Variants in COL18A1 observed in about 807,000 individuals in gnomAD.
COL18A1 encodes collagen alpha-1(XVIII) chain.
COL18A1 carries 133 observed loss-of-function variants against 168.0 expected under a neutral mutation model. The ratio of observed to expected loss-of-function variants is 0.79; its 90% CI spans 0.69 to 0.91. COL18A1 has a LOEUF of 0.91. Ranked by LOEUF, COL18A1 falls within the 40% of genes least tolerant of loss-of-function variation. The pLI, the probability that COL18A1 is intolerant of heterozygous loss-of-function variation, is 0.00. For synonymous variants in COL18A1, 949 were observed against 809.0 expected (o/e 1.17, Z -2.94); for missense variants, 2,126 against 1,925.4 (o/e 1.10, Z -1.95).
intron 2 of COL18A1, among the ~76,000 whole-genome samples, chr21:45,458,324 T>C (rs1373325809): frequency 6.6e-6 from 1 of 150,654 alleles, no homozygotes; most frequent in African/African-American, 2.4e-5. Context: ...CCCACGGCTG[T>C]TGGCATCTCG....
rs999837896 is a variant in COL18A1, at chr21:45,473,172, G to A, written c.652-723G>A. Among the ~76,000 whole-genome samples the A allele has an allele frequency of 6.6e-6, 1 of 152,222 alleles. No individual in the cohort carries two copies. Among genetic ancestry groups the A allele is most frequent in the Non-Finnish European group, 1.5e-5 (1 of 68,048 alleles). On this transcript the variant is annotated intron_variant, in intron 3 of 41. Transcript: ENST00000651438. The surrounding 1 kb of genome is among the most constrained non-coding windows in gnomAD (Gnocchi z 4.0). Reference sequence around the variant, plus strand: ...ACCCGCTTGAGGCTTAGGACGTTGCGCCCTCCTGTGTCCTTGCCCAGCATC... The same window carrying A: ...ACCCGCTTGAGGCTTAGGACGTTGCACCCTCCTGTGTCCTTGCCCAGCATC...
At chr21:45,489,618 C>A in intron 19 of COL18A1, 97 bp downstream of exon 19, 2 of 746,464 alleles carry the variant, frequency 2.7e-6, no homozygotes, top group Non-Finnish European at 4.3e-6. Flanking sequence ...GCCTTCCCCG[C>A]TCTTCCTGCC....
intron 37 of COL18A1, chr21:45,506,937 G>C (rs2037243801): frequency 8.3e-6 from 2 of 242,096 alleles, no homozygotes; most frequent in East Asian, 2.1e-4. Flanking sequence ...CATAGCAGAT[G>C]CTGAGCTGGT....
intron 2 of COL18A1, among the ~76,000 whole-genome samples, chr21:45,415,827 C>T (rs1015683762): frequency 7.9e-5 from 12 of 152,228 alleles, no homozygotes; most frequent in African/African-American, 1.7e-4. Context: ...CGCAGCCAGG[C>T]GGGCATGGTG....
At chr21:45,503,527 A>C (rs1294723080) in intron 32 of COL18A1, among the ~76,000 whole-genome samples, 1 of 151,452 alleles carries the variant, frequency 6.6e-6, no homozygotes, top group Non-Finnish European at 1.5e-5. Flanking sequence ...TCAGTAAACT[A>C]TTGCAAGAAC....
chr21:45,500,109 AGTGT>A (rs1157476553), intron 32 of COL18A1, among the ~76,000 whole-genome samples: 1 of 123,274 alleles, frequency 8.1e-6, no homozygotes, highest in African/African-American at 3.2e-5. Context: ...GGGTGTGCTG[AGTGT>A]GTGCAGTGTG....
At position 45,504,947 on chromosome 21, in the gene COL18A1, C is replaced by T. The variant is rs1315093318; in HGVS notation, c.2869-187C>T. On this transcript the variant is annotated intron_variant, in intron 34 of 41. Coordinates refer to ENST00000651438, the MANE Select transcript of COL18A1 (RefSeq NM_001379500.1). ...TCTCTGCTGGTCTCTCCCCCGGGAT[C>T]GCACCCCCAGGGAAGAAGGGGTGAT... is the stretch of plus-strand genomic sequence containing the variant. 9.2e-5 allele frequency among the ~76,000 whole-genome samples: 14 copies of T among 152,200 alleles called. No individual in the cohort carries two copies. In the East Asian group the frequency reaches 1.9e-3, roughly 21 times the overall value.
At chr21:45,448,128 C>A (rs1354407594) in intron 2 of COL18A1, among the ~76,000 whole-genome samples, 1 of 152,180 alleles carries the variant, frequency 6.6e-6, no homozygotes, top group African/African-American at 2.4e-5. Flanking sequence ...AGGAAGAAAC[C>A]TCTATTTTCT....
At chr21:45,481,788 C>T (rs991606479) in intron 13 of COL18A1, among the ~76,000 whole-genome samples, 175 bp from the exon 14 acceptor site, 18 of 152,234 alleles carry the variant, frequency 1.2e-4, no homozygotes, top group Middle Eastern at 3.2e-3. Context: ...CGCGAAACTG[C>T]GGGCTACGCA....
chr21:45,495,942 G>A (rs897709422), intron 29 of COL18A1: 4 of 323,186 alleles, frequency 1.2e-5, no homozygotes, highest in South Asian at 7.9e-5. Flanking sequence ...CACTGCACAT[G>A]TATACTCATG....
In COL18A1 at chr21:45,507,561, C is replaced by G; in HGVS notation, c.3217C>G (p.Leu1073Val). 1 of 1,612,896 alleles carries G rather than the reference C, an allele frequency of 6.2e-7. No individual in the cohort carries two copies. The highest frequency in any genetic ancestry group is 8.5e-7 in the Non-Finnish European group (1 of 1,179,870). Residue 1073 changes from leucine to valine, a missense_variant and splice_region_variant, in exon 38 of 42, where the codon CTG (leucine) becomes GTG (valine). By Grantham distance (32) the Leu-to-Val change is conservative (BLOSUM62 1). Coordinates refer to ENST00000651438, the MANE Select transcript of COL18A1 (RefSeq NM_001379500.1). ...RVQNGFRKVQ[L>V]EARTPLPRGT... ...GGGTGACCCTGCTGCTTTCTTCCAG[C>G]TGGAGGCCCGGACACCACTCCCACG...
At chr21:45,503,740 A>G (rs968793225) in intron 32 of COL18A1, among the ~76,000 whole-genome samples, 5 of 152,066 alleles carry the variant, frequency 3.3e-5, no homozygotes, top group Non-Finnish European at 7.4e-5. Flanking sequence ...TACATATGTA[A>G]CTAACCTGCA....
chr21:45,482,876 C>G (rs1274880079), intron 15 of COL18A1, 55 bp downstream of exon 15: 1 of 1,613,564 alleles, frequency 6.2e-7, no homozygotes, highest in South Asian at 1.1e-5. Context: ...CCACTCAGTG[C>G]TCGGACCCCC....
chr21:45,500,159 G>A (rs950609624), intron 32 of COL18A1, among the ~76,000 whole-genome samples: 1 of 150,044 alleles, frequency 6.7e-6, no homozygotes, highest in Non-Finnish European at 1.5e-5. Flanking sequence ...GTGCATGTGG[G>A]TGTGTAGTGT....
Position 45,477,491 on chromosome 21 carries a change from A to G in COL18A1, c.1005+4A>G. 3 of 1,606,130 alleles carry G rather than the reference A, an allele frequency of 1.9e-6. No homozygotes were observed. Among genetic ancestry groups the G allele is most frequent in the South Asian group, 1.1e-5 (1 of 89,528 alleles). ...CCCTGGGGGCCGCGTGAAAGAGGTA[A>G]GGCCACCTCCCTGTGCTCCTGAACC... On this transcript the variant is annotated splice_donor_region_variant and intron_variant, in intron 7 of 41. Transcript: ENST00000651438.
At chr21:45,405,640 G>T (rs1363491887) in intron 2 of COL18A1, among the ~76,000 whole-genome samples, 167 bp downstream of exon 2, 1 of 150,956 alleles carries the variant, frequency 6.6e-6, no homozygotes, top group Non-Finnish European at 1.5e-5. Context: ...GCGGGGCGGG[G>T]TGGCCGGAGT....
chr21:45,468,665 A>C lies in COL18A1; in HGVS notation c.530A>C (p.Tyr177Ser), dbSNP rs779470945. 13 of 1,613,782 alleles carry C rather than the reference A, an allele frequency of 8.1e-6. No individual in the cohort carries two copies. The Admixed American group carries it at 2.0e-4, about 25-fold the overall frequency. The change falls in exon 3 of 42, where the codon TAC (tyrosine) becomes TCC (serine). Residue 177 changes from tyrosine to serine, a missense_variant. By Grantham distance (144) the Tyr-to-Ser change is moderately radical (BLOSUM62 -2). Transcript: ENST00000651438. ...GTGGCAGGTGGCTTTGTGGCCCTCT[A>C]CGTGGACTGTGAGGAGTTCCAGAGA... ...LSVAGGFVALYVDCEEFQRMP... is the reference protein window; with the variant it reads ...LSVAGGFVALSVDCEEFQRMP...
At chr21:45,510,352 T>G in intron 40 of COL18A1, 91 bp downstream of exon 40, 1 of 1,375,962 alleles carries the variant, frequency 7.3e-7, no homozygotes, top group Non-Finnish European at 1.0e-6. Context: ...CTCTAGGGCC[T>G]CTGGAGGCCA....
Position 45,493,533 on chromosome 21 carries a change from C to A in COL18A1, c.2310C>A (p.Ser770Arg), listed in dbSNP as rs1194389817. The change falls in exon 26 of 42, where the codon AGC becomes AGA. Residue 770 changes from serine (S) to arginine (R), a missense_variant. Ser to Arg is a moderately radical substitution (Grantham distance 110). Transcript: ENST00000651438. ...GEKGEPGSIFSPDGGALGPAQ... is the reference protein window; with the variant it reads ...GEKGEPGSIFRPDGGALGPAQ... ...AGGGTGAACCGGGCAGCATCTTCAG[C>A]CCCGACGGCGGTGCCCTGGGCCCTG... The A allele has an allele frequency of 2.6e-6, 4 of 1,561,734 alleles. No homozygotes were observed. Among genetic ancestry groups the A allele is most frequent in the Non-Finnish European group, 3.5e-6 (4 of 1,154,010 alleles).
Sources: gnomAD v4.1 joint callset for allele counts (sites outside exome capture counted in the v4.1 genomes callset) on GRCh38, gnomAD v4.1.1 for gene constraint, Gnocchi (gnomAD v3.1) non-coding constraint, MANE v1.5 for transcripts, NCBI Gene and HGNC (gene_info 2026-07-23, HGNC 2026-07-21) for gene names.